The following AFTPH variants were observed in gnomAD, a reference collection of about 807,000 sequenced individuals.
AFTPH encodes the protein aftiphilin protein.
Under a neutral mutation model 72.5 loss-of-function variants are expected in AFTPH, and 7 were observed. The observed-to-expected ratio is 0.10, with a 90% confidence interval of 0.05 to 0.18. The LOEUF (loss-of-function observed/expected upper bound fraction) is 0.18. Ranked by LOEUF, AFTPH falls within the 10% of genes least tolerant of loss-of-function variation. AFTPH has a pLI of 1.00. For missense variants in AFTPH, 979 were observed against 1,060.5 expected, an observed-to-expected ratio of 0.92 and a Z score of 1.07; for synonymous variants, 337 against 370.1, an observed-to-expected ratio of 0.91 and a Z score of 1.03.
Position 64,559,025 on chromosome 2 carries a change from C to T in AFTPH, c.1935+5616C>T, listed in dbSNP as rs1382636485. ...GCAAACTCCACACAGGTAGTGGCTG[C>T]AGCCAGGAATCAGTTGTTTTTCTCA... On this transcript the variant is annotated intron_variant, in intron 2 of 8. Transcript: ENST00000238856. Among the ~76,000 whole-genome samples, 9 of 152,316 alleles carry T rather than the reference C, an allele frequency of 5.9e-5. No individual in the cohort carries two copies. The East Asian group carries it at 7.7e-4, about 13-fold the overall frequency.
chr2:64,569,862 TATTTC>T (rs1371203089), intron 5 of AFTPH, among the ~76,000 whole-genome samples, 183 bp downstream of exon 5: 1 of 152,214 alleles, frequency 6.6e-6, no homozygotes, highest in Non-Finnish European at 1.5e-5. Flanking sequence ...ACTTTTAAAA[TATTTC>T]ATTAATTACA....
intron 7 of AFTPH, 132 bp downstream of exon 8, chr2:64,581,405 C>T (rs1422043589): frequency 5.7e-6 from 4 of 700,274 alleles, no homozygotes; most frequent in Non-Finnish European, 8.6e-6. Flanking sequence ...TTTCTTTCAT[C>T]TGTTGTTATT....
chr2:64,559,090 G>A (rs1671561330), intron 2 of AFTPH, among the ~76,000 whole-genome samples: 2 of 152,202 alleles, frequency 1.3e-5, no homozygotes, highest in African/African-American at 4.8e-5. Flanking sequence ...AGGACCTGCT[G>A]TCCTTTAAAG....
chr2:64,579,669 A>G (rs944403174), intron 7 of AFTPH, 123 bp downstream of exon 7: 2 of 847,704 alleles, frequency 2.4e-6, no homozygotes, highest in Non-Finnish European at 3.6e-6. Flanking sequence ...ATCTTTGGAA[A>G]TTCAGGCTTT....
intron 7 of AFTPH, 62 bp from the exon 8 acceptor site, chr2:64,581,128 C>T: frequency 8.3e-7 from 1 of 1,205,978 alleles, no homozygotes. Flanking sequence ...TTACACATAA[C>T]CCCTCCTCCC....
intron 1 of AFTPH, among the ~76,000 whole-genome samples, chr2:64,527,591 AAAG>A (rs1393735208): frequency 2.6e-5 from 4 of 152,060 alleles, no homozygotes; most frequent in Admixed American, 2.0e-4. Flanking sequence ...AAAAAAAAAA[AAAG>A]AAATTAAAAG....
chr2:64,548,433 A>AAAAAAAAAATAAAAAAAAAAAAC (rs1243472946), intron 1 of AFTPH, among the ~76,000 whole-genome samples: 1 of 102,542 alleles, frequency 9.8e-6, no homozygotes, highest in Non-Finnish European at 2.1e-5. Context: ...AAAAAAAAAA[A>AAAAAAAAAATAAAAAAAAAAAAC]AACTTTAGAA....
chr2:64,569,245 C>A (rs775583842), intron 4 of AFTPH, 27 bp downstream of exon 4: 3 of 1,591,954 alleles, frequency 1.9e-6, no homozygotes, highest in South Asian at 1.1e-5. Flanking sequence ...CTTGAAAAAT[C>A]TTTTAATCAA....
chr2:64,558,528 G>A (rs896863929), intron 2 of AFTPH, among the ~76,000 whole-genome samples: 9 of 152,174 alleles, frequency 5.9e-5, no homozygotes, highest in Admixed American at 1.3e-4. Flanking sequence ...TACTTACCCA[G>A]TTTTTGGTGA....
At chr2:64,560,817 G>T (rs1671685072) in intron 2 of AFTPH, among the ~76,000 whole-genome samples, 1 of 152,140 alleles carries the variant, frequency 6.6e-6, no homozygotes, top group South Asian at 2.1e-4. Flanking sequence ...AGGTTGCAGT[G>T]ACCCGAGATC....
rs995893106 is a variant in AFTPH, at chr2:64,570,900, A to G, written c.2271+1221A>G. 1.1e-4 allele frequency among the ~76,000 whole-genome samples: 11 copies of G among 96,418 alleles called. No individual in the cohort carries two copies. The East Asian group carries it at 3.5e-3, about 31-fold the overall frequency. The allele number at this position is 96,418 out of a possible 152,430, so 63.3% of individuals were successfully genotyped here. A position where few individuals can be genotyped will look rare whatever the true frequency, so the allele number is the denominator to read the frequency against. ...ACTATTTCTATGGACTTTTTTTCCC[A>G]CTTCTTTCCTCCCCTCCCCCCCCCC... is the stretch of plus-strand genomic sequence containing the variant. On this transcript the variant is annotated intron_variant, in intron 5 of 8. Transcript: ENST00000238856.
intron 1 of AFTPH, among the ~76,000 whole-genome samples, chr2:64,532,012 G>A (rs577629645): frequency 6.6e-5 from 10 of 152,224 alleles, no homozygotes; most frequent in South Asian, 2.1e-4. Context: ...TGGGTTGCAC[G>A]GTAATTTTTC....
At chr2:64,584,593 A>AC (rs557341750) in intron 7 of AFTPH, among the ~76,000 whole-genome samples, 1 of 117,008 alleles carries the variant, frequency 8.5e-6, no homozygotes. Context: ...CTTAGTCATG[A>AC]TTTTTTTTTT....
chr2:64,552,318 G>C (rs138062318), exon 2 of AFTPH: 1 of 1,614,084 alleles, frequency 6.2e-7, no homozygotes, highest in East Asian at 2.2e-5. Context: ...AGTGGCTTTG[G>C]GTAGAAGCTT....
At chr2:64,551,828 T>C in exon 2 of AFTPH, 1 of 1,613,596 alleles carries the variant, frequency 6.2e-7, no homozygotes, top group Non-Finnish European at 8.5e-7. Flanking sequence ...TAATTTCATC[T>C]GAAATGTTAG....
chr2:64,569,242 A>T, intron 4 of AFTPH, 24 bp downstream of exon 4: 2 of 1,592,666 alleles, frequency 1.3e-6, no homozygotes. Context: ...TACCTTGAAA[A>T]ATCTTTTAAT....
In AFTPH at chr2:64,589,929, A is replaced by G. The variant is rs544680060; in HGVS notation, c.2580-1956A>G. ...GTGTAATTCTTTCAGATCTTTTCCTATGCAAATACATATATGGGGGGGGGG... is the reference window on the plus strand; with the variant it reads ...GTGTAATTCTTTCAGATCTTTTCCTGTGCAAATACATATATGGGGGGGGGG... On this transcript the variant is annotated intron_variant, in intron 8 of 8. Transcript: ENST00000238856. Among the ~76,000 whole-genome samples, 6 of 99,892 alleles carry G rather than the reference A, an allele frequency of 6.0e-5. No individual in the cohort carries two copies. In the South Asian group the frequency reaches 2.3e-3, roughly 38 times the overall value. The allele number at this position is 99,892 out of a possible 152,430, so 65.5% of individuals were successfully genotyped here.
At chr2:64,544,083 C>T (rs1027079023) in intron 1 of AFTPH, among the ~76,000 whole-genome samples, 1 of 152,176 alleles carries the variant, frequency 6.6e-6, no homozygotes, top group African/African-American at 2.4e-5. Flanking sequence ...ATTCCCAAAC[C>T]CAAAACCCTC....
At chr2:64,545,012 C>T (rs6546086) in intron 1 of AFTPH, among the ~76,000 whole-genome samples, 7,669 of 152,138 alleles carry the variant, frequency 0.05, 445 homozygotes, top group African/African-American at 0.14. Context: ...GAAAAACTTG[C>T]GGAGTTGTTG....
Sources: gnomAD v4.1 joint callset for allele counts (sites outside exome capture counted in the v4.1 genomes callset) on GRCh38, gnomAD v4.1.1 for gene constraint, MANE v1.5 for transcripts, NCBI Gene and HGNC (gene_info 2026-07-23, HGNC 2026-07-21) for gene names.